SMOX: variants seen among roughly 807,000 people sequenced by gnomAD.
SMOX encodes flavin containing amine oxidase.
SMOX carries 22 observed loss-of-function variants against 51.0 expected under a neutral mutation model. The observed-to-expected ratio is 0.43, with a 90% CI of 0.31 to 0.62. The LOEUF is 0.62. Among genes scored for constraint, SMOX ranks in the 20% least tolerant of loss-of-function variants. The probability of loss-of-function intolerance (pLI) is 0.10; values close to 1 mark genes in which losing one functional copy is unlikely to be tolerated. For missense variants in SMOX, 566 were observed against 777.7 expected (o/e 0.73, Z 3.24); for synonymous variants, 282 against 307.8 (o/e 0.92, Z 0.88).
chr20:4,185,869 G>T (rs1979685917), intron 6 of SMOX, among the ~76,000 whole-genome samples: 1 of 112,936 alleles, frequency 8.9e-6, no homozygotes, highest in Admixed American at 9.1e-5. Context: ...CTCCAGCCTG[G>T]GTGACAGAGC....
rs1978919483 is a variant in SMOX, at chr20:4,177,109, G to T, written c.209-242G>T. On this transcript the variant is annotated intron_variant, in intron 2 of 6. Transcript: ENST00000305958. This position sits in a 1 kb window ranked among gnomAD's most constrained non-coding sequence, Gnocchi z 4.3. ...AAAGAAGAGCCTTCTAACTGGTCCA[G>T]TAAGGCCACTCTGGGACAAATCACA... Among the ~76,000 whole-genome samples, 1 of 152,206 alleles carries T rather than the reference G, an allele frequency of 6.6e-6. No individual in the cohort carries two copies. The highest frequency in any genetic ancestry group is 1.5e-5 in the Non-Finnish European group (1 of 68,038).
intron 6 of SMOX, chr20:4,186,943 A>G: frequency 1.5e-6 from 1 of 647,920 alleles, no homozygotes; most frequent in East Asian, 2.6e-5. Context: ...AGTAGGTGGT[A>G]TAAACCCATT....
chr20:4,161,591 A>G (rs1044266267), intron 1 of SMOX, among the ~76,000 whole-genome samples: 3 of 152,120 alleles, frequency 2.0e-5, no homozygotes, highest in Admixed American at 6.5e-5. Flanking sequence ...CTCACCCCAC[A>G]TCCTGCCATT....
At chr20:4,161,593 C>G (rs905786960) in intron 1 of SMOX, among the ~76,000 whole-genome samples, 2 of 152,194 alleles carry the variant, frequency 1.3e-5, no homozygotes, top group Non-Finnish European at 2.9e-5. Context: ...CACCCCACAT[C>G]CTGCCATTCA....
In SMOX at chr20:4,182,084, C is replaced by A. The variant is rs377345386; in HGVS notation, c.610-5C>A. On this transcript the variant is annotated splice_polypyrimidine_tract_variant and splice_region_variant and intron_variant, in intron 4 of 6. Coordinates refer to ENST00000305958, the MANE Select transcript of SMOX (RefSeq NM_175839.3). This position sits in a 1 kb window ranked among gnomAD's most constrained non-coding sequence, Gnocchi z 8.4. Reference sequence around the variant, plus strand: ...CACCTGGCTTCTCCTTGGGTCTTCCCGCAGGTGGAGAGCTGTGAGAGCAGC... The same window carrying A: ...CACCTGGCTTCTCCTTGGGTCTTCCAGCAGGTGGAGAGCTGTGAGAGCAGC... 6.3e-7 allele frequency: 1 copy of A among 1,586,174 alleles called. No individual in the cohort carries two copies. The highest frequency in any genetic ancestry group is 8.6e-7 in the Non-Finnish European group (1 of 1,163,518).
At chr20:4,168,456 A>T (rs1986667720) in intron 1 of SMOX, among the ~76,000 whole-genome samples, 1 of 152,088 alleles carries the variant, frequency 6.6e-6, no homozygotes, top group Admixed American at 6.5e-5. Flanking sequence ...TAGGAAATTC[A>T]TCCCCGGGTG....
chr20:4,169,705 G>A (rs1483021032), intron 1 of SMOX, among the ~76,000 whole-genome samples: 1 of 152,134 alleles, frequency 6.6e-6, no homozygotes, highest in Admixed American at 6.5e-5. Context: ...CCAGTACGAG[G>A]GACTCACATT....
chr20:4,156,211 TGGAAA>T (rs1281331583), intron 1 of SMOX, among the ~76,000 whole-genome samples: 2 of 152,084 alleles, frequency 1.3e-5, no homozygotes, highest in Non-Finnish European at 2.9e-5. Flanking sequence ...GATCTGACCG[TGGAAA>T]TCTTTTTTTT....
intron 1 of SMOX, among the ~76,000 whole-genome samples, chr20:4,160,264 T>C (rs1457104201): frequency 6.6e-6 from 1 of 152,154 alleles, no homozygotes; most frequent in Non-Finnish European, 1.5e-5. Flanking sequence ...GAGTGAACCA[T>C]CAGGCCTTGA....
In SMOX at chr20:4,183,660, C is replaced by A. The variant is rs374643123; in HGVS notation, c.1530+6C>A. On this transcript the variant is annotated splice_donor_region_variant and intron_variant, in intron 6 of 6. Coordinates refer to ENST00000305958, the MANE Select transcript of SMOX (RefSeq NM_175839.3). This position sits in a 1 kb window ranked among gnomAD's most constrained non-coding sequence, Gnocchi z 4.3. ...CAGAGAGCTCAAAGACAGCGGTAAG[C>A]GGGGCGTTTGGGGTGAGGAGGGGAG... 6.4e-7 allele frequency: 1 copy of A among 1,559,500 alleles called. No individual in the cohort carries two copies. Among genetic ancestry groups the A allele is most frequent in the African/African-American group, 1.4e-5 (1 of 73,306 alleles).
At chr20:4,186,249 G>C (rs1395376974) in intron 6 of SMOX, among the ~76,000 whole-genome samples, 4 of 152,214 alleles carry the variant, frequency 2.6e-5, no homozygotes, top group African/African-American at 7.2e-5. Flanking sequence ...TGAGGCTGCA[G>C]TGGAGCTGTG....
In SMOX at chr20:4,177,341, T is replaced by C. The variant is rs763190582; in HGVS notation, c.209-10T>C. On this transcript the variant is annotated splice_polypyrimidine_tract_variant and intron_variant, in intron 2 of 6. Coordinates refer to ENST00000305958, the MANE Select transcript of SMOX (RefSeq NM_175839.3). The surrounding 1 kb of genome is among the most constrained non-coding windows in gnomAD (Gnocchi z 4.3). ...CTAAGCCTCTAAGGGCCTGCTGTTG[T>C]CACCCTCAGGACACGCCACCTTTGA... 9 of 1,551,208 alleles carry C rather than the reference T, an allele frequency of 5.8e-6. No homozygotes were observed. The South Asian group carries it at 7.1e-5, about 12-fold the overall frequency.
intron 1 of SMOX, among the ~76,000 whole-genome samples, chr20:4,150,845 C>T (rs1741293): frequency 0.61 from 65,523 of 107,894 alleles, 16,467 homozygotes; most frequent in East Asian, 0.73. Context: ...TTTTTTTTTT[C>T]TTTGAGACGG....
At chr20:4,154,970 C>T (rs2122374299) in intron 1 of SMOX, among the ~76,000 whole-genome samples, 1 of 152,144 alleles carries the variant, frequency 6.6e-6, no homozygotes, top group Middle Eastern at 3.4e-3. Context: ...GTGCTTGGGT[C>T]ATAGACCAGG....
At chr20:4,184,642 T>C (rs1979602624) in intron 6 of SMOX, among the ~76,000 whole-genome samples, 1 of 151,942 alleles carries the variant, frequency 6.6e-6, no homozygotes, top group Non-Finnish European at 1.5e-5. Flanking sequence ...TGAAGAAGAG[T>C]TCAGTCAACC....
chr20:4,151,020 T>C (rs891896168), intron 1 of SMOX, among the ~76,000 whole-genome samples: 1 of 151,942 alleles, frequency 6.6e-6, no homozygotes, highest in African/African-American at 2.4e-5. Context: ...TTAGTAGAGA[T>C]GGGGTTTCAC....
rs866744863 is a variant in SMOX at position 4,166,696 on chromosome 20, C to T, written c.-26-8334C>T. On this transcript the variant is annotated intron_variant, in intron 1 of 6. Coordinates refer to ENST00000305958, the MANE Select transcript of SMOX (RefSeq NM_175839.3). The surrounding 1 kb of genome is among the most constrained non-coding windows in gnomAD (Gnocchi z 4.2). ...AGGACACCAAGGGAAACAGAGATGGCCCCAGAGTGCTCACCTCTCCCGGGG... is the reference window on the plus strand; with the variant it reads ...AGGACACCAAGGGAAACAGAGATGGTCCCAGAGTGCTCACCTCTCCCGGGG... Among the ~76,000 whole-genome samples the T allele has an allele frequency of 6.6e-6, 1 of 152,180 alleles. No individual in the cohort carries two copies. The highest frequency in any genetic ancestry group is 6.5e-5 in the Admixed American group (1 of 15,280).
In SMOX at chr20:4,149,615, C is replaced by A. The variant is rs1390129825; in HGVS notation, c.-27+638C>A. 6.6e-6 allele frequency among the ~76,000 whole-genome samples: 1 copy of A among 152,098 alleles called. No individual in the cohort carries two copies. The highest frequency in any genetic ancestry group is 2.4e-5 in the African/African-American group (1 of 41,426). ...GCGGGAGCCGGGCTCGCAAAGGGTT[C>A]GGGTGTGTTGGAGGGCTCACTTTGT... On this transcript the variant is annotated intron_variant, in intron 1 of 6. Coordinates refer to ENST00000305958, the MANE Select transcript of SMOX (RefSeq NM_175839.3). This position sits in a 1 kb window ranked among gnomAD's most constrained non-coding sequence, Gnocchi z 6.0.
rs753023945 is a variant in SMOX, at chr20:4,182,333, A to G, written c.854A>G (p.Asp285Gly). 5.0e-6 allele frequency: 8 copies of G among 1,593,502 alleles called. No homozygotes were observed. Among genetic ancestry groups the G allele is most frequent in the Non-Finnish European group, 6.9e-6 (8 of 1,166,300 alleles). ...GAGATTGAGCCCCGGGGTGAGGGCG[A>G]CCACAATCACGACACTGGGGAGGGT... ...GPEIEPRGEGDHNHDTGEGGQ... is the reference protein window; with the variant it reads ...GPEIEPRGEGGHNHDTGEGGQ... The change falls in exon 5 of 7, where the codon GAC (aspartate) becomes GGC (glycine). Residue 285 changes from aspartate to glycine, a missense_variant. Physicochemically the swap from Asp to Gly is moderately conservative, Grantham distance 94 (BLOSUM62 -1). Coordinates refer to ENST00000305958, the MANE Select transcript of SMOX (RefSeq NM_175839.3). The surrounding 1 kb of genome is among the most constrained non-coding windows in gnomAD (Gnocchi z 8.4).
Sources: allele counts gnomAD v4.1 joint callset (sites outside exome capture counted in the v4.1 genomes callset), GRCh38; gene constraint gnomAD v4.1.1; non-coding constraint Gnocchi (gnomAD v3.1); transcripts MANE v1.5; gene names NCBI Gene and HGNC (gene_info 2026-07-23, HGNC 2026-07-21).